Variants in SMCHD1 observed in about 807,000 individuals in gnomAD.
SMCHD1 encodes the protein structural maintenance of chromosomes flexible hinge domain-containing protein 1.
SMCHD1 carries 78 observed loss-of-function variants against 254.7 expected under a neutral mutation model. The observed-to-expected ratio is 0.31, with a 90% confidence interval of 0.26 to 0.37. The LOEUF is 0.37. Ranked by LOEUF, SMCHD1 falls within the 10% of genes least tolerant of loss-of-function variation. The pLI, the probability that SMCHD1 is intolerant of heterozygous loss-of-function variation, is 1.00. For missense variants in SMCHD1, 1,840 were observed against 2,408.1 expected (o/e 0.76, Z 4.94); for synonymous variants, 766 against 794.9 (o/e 0.96, Z 0.61).
At chr18:2,784,795 A>G (rs2076212225) in intron 45 of SMCHD1, 174 bp downstream of exon 45, 1 of 703,096 alleles carries the variant, frequency 1.4e-6, no homozygotes, top group Non-Finnish European at 2.5e-6. Context: ...GGTAGTTTAG[A>G]GTTATGTAAA....
At position 2,778,332 on chromosome 18, in the gene SMCHD1, CA is replaced by C. The variant is rs1482186521; in HGVS notation, c.5547+97del. The C allele has an allele frequency of 1.4e-5, 12 of 850,316 alleles. No individual in the cohort carries two copies. The East Asian group carries it at 3.0e-4, about 21-fold the overall frequency. The allele number at this position is 850,316 out of a possible 1,614,324, so 52.7% of individuals were successfully genotyped here. On this transcript the variant is annotated intron_variant, in intron 44 of 47. Transcript: ENST00000320876. ...TACATATACAAACGACTAGCCTTTT[CA>C]AAACCAATTTAAATTCTGCAAATTG...
intron 22 of SMCHD1, chr18:2,727,048 A>G (rs2075040555): frequency 6.5e-6 from 1 of 152,672 alleles, no homozygotes; most frequent in East Asian, 1.9e-4. Flanking sequence ...TCTATGCCTC[A>G]GTTTCTTCAT....
chr18:2,760,514 T>G, intron 34 of SMCHD1, 138 bp from the exon 35 acceptor site: 1 of 584,160 alleles, frequency 1.7e-6, no homozygotes, highest in Non-Finnish European at 3.1e-6. Context: ...GTTGAACGAA[T>G]GAAGGTCAAT....
At chr18:2,728,403 G>A in intron 22 of SMCHD1, 54 bp from the exon 23 acceptor site, 2 of 1,530,500 alleles carry the variant, frequency 1.3e-6, no homozygotes, top group Non-Finnish European at 1.8e-6. Flanking sequence ...TGCTATTTCA[G>A]TACTTTAGTC....
chr18:2,670,727 C>G (rs566490667), intron 3 of SMCHD1, among the ~76,000 whole-genome samples: 1 of 151,842 alleles, frequency 6.6e-6, no homozygotes, highest in East Asian at 2.0e-4. Flanking sequence ...ATGGTGAAAC[C>G]CCGTCTCTAC....
intron 1 of SMCHD1, among the ~76,000 whole-genome samples, chr18:2,659,573 A>G (rs1410640244): frequency 6.6e-6 from 1 of 152,198 alleles, no homozygotes; most frequent in African/African-American, 2.4e-5. Context: ...AAGATGACTC[A>G]TTTGGTTAGT....
chr18:2,767,093 C>CA (rs879394091), intron 37 of SMCHD1, among the ~76,000 whole-genome samples: 103 of 152,094 alleles, frequency 6.8e-4, no homozygotes, highest in Middle Eastern at 6.8e-3. Context: ...CCCATCTCTA[C>CA]AAAAAATTTA....
At chr18:2,720,984 CT>C (rs1257401993) in intron 19 of SMCHD1, among the ~76,000 whole-genome samples, 1 of 152,162 alleles carries the variant, frequency 6.6e-6, no homozygotes, top group Non-Finnish European at 1.5e-5. Context: ...AAGAATAAAC[CT>C]TCCATCTTTT....
At chr18:2,667,843 A>C (rs1231545640) in intron 3 of SMCHD1, among the ~76,000 whole-genome samples, 1 of 152,144 alleles carries the variant, frequency 6.6e-6, no homozygotes, top group East Asian at 1.9e-4. Flanking sequence ...TATTTTGATA[A>C]TATTTAGGTA....
chr18:2,694,324 G>T (rs2074244497), intron 7 of SMCHD1, among the ~76,000 whole-genome samples: 1 of 152,184 alleles, frequency 6.6e-6, no homozygotes, highest in African/African-American at 2.4e-5. Context: ...TGCTAGTTTA[G>T]CAGTCTGTGT....
chr18:2,681,308 G>A (rs530219687), intron 5 of SMCHD1, among the ~76,000 whole-genome samples: 1 of 151,550 alleles, frequency 6.6e-6, no homozygotes, highest in African/African-American at 2.4e-5. Flanking sequence ...AGCTGCTCAG[G>A]AGGCTGAGAC....
At chr18:2,788,316 T>C (rs1230875636) in intron 45 of SMCHD1, among the ~76,000 whole-genome samples, 3 of 152,222 alleles carry the variant, frequency 2.0e-5, no homozygotes, top group Non-Finnish European at 4.4e-5. Context: ...GACACCCTGT[T>C]AAGGTTGTCA....
chr18:2,705,940 TA>T (rs2074503826), intron 14 of SMCHD1, 133 bp downstream of exon 14: 1 of 539,540 alleles, frequency 1.9e-6, no homozygotes, highest in African/African-American at 1.9e-5. Context: ...TGTGGATTTT[TA>T]TGTGTCATAA....
At chr18:2,676,366 G>A (rs889078836) in intron 5 of SMCHD1, among the ~76,000 whole-genome samples, 3 of 152,192 alleles carry the variant, frequency 2.0e-5, no homozygotes, top group Non-Finnish European at 4.4e-5. Context: ...CTCTAGATAA[G>A]GTGGTTGGAG....
chr18:2,730,691 A>T (rs1472478659), intron 24 of SMCHD1, among the ~76,000 whole-genome samples: 1 of 152,216 alleles, frequency 6.6e-6, no homozygotes, highest in Admixed American at 6.5e-5. Flanking sequence ...ATGGTGATAG[A>T]TAATCTAATT....
chr18:2,680,361 G>T (rs1427936584), intron 5 of SMCHD1, among the ~76,000 whole-genome samples: 1 of 152,150 alleles, frequency 6.6e-6, no homozygotes, highest in Non-Finnish European at 1.5e-5. Context: ...TGGCTTCCCT[G>T]AACTAATTCT....
At chr18:2,736,290 C>G (rs2075247922) in intron 25 of SMCHD1, among the ~76,000 whole-genome samples, 1 of 152,108 alleles carries the variant, frequency 6.6e-6, no homozygotes, top group Non-Finnish European at 1.5e-5. Context: ...TGTAAAACTT[C>G]AAACCATAAA....
At chr18:2,710,634 T>C (rs1002752690) in intron 17 of SMCHD1, among the ~76,000 whole-genome samples, 3 of 152,208 alleles carry the variant, frequency 2.0e-5, no homozygotes, top group East Asian at 3.8e-4. Flanking sequence ...AAATAACTTA[T>C]TCTTTTCCAA....
chr18:2,771,096 C>T (rs2075976530), intron 39 of SMCHD1, among the ~76,000 whole-genome samples: 1 of 152,154 alleles, frequency 6.6e-6, no homozygotes, highest in Admixed American at 6.5e-5. Context: ...CCTCAAAGTA[C>T]TCACTTTTGT....
Sources: gnomAD v4.1 joint callset for allele counts (sites outside exome capture counted in the v4.1 genomes callset) on GRCh38, gnomAD v4.1.1 for gene constraint, MANE v1.5 for transcripts, NCBI Gene and HGNC (gene_info 2026-07-23, HGNC 2026-07-21) for gene names.